Variants in GALNT1 observed in about 807,000 individuals in gnomAD.
GALNT1 encodes GalNAc transferase 1.
GALNT1 carries 17 observed loss-of-function variants against 65.7 expected under a neutral mutation model. That is an observed-to-expected ratio of 0.26 (90% CI 0.18 to 0.39). The LOEUF is 0.39. Among genes scored for constraint, GALNT1 ranks in the 10% least tolerant of loss-of-function variants. GALNT1 has a pLI of 1.00. For synonymous variants in GALNT1, 210 were observed against 219.7 expected (o/e 0.96, Z 0.39); for missense variants, 460 against 672.8 (o/e 0.68, Z 3.50).
At chr18:35,651,061 T>C (rs1471592626) in intron 1 of GALNT1, among the ~76,000 whole-genome samples, 5 of 152,206 alleles carry the variant, frequency 3.3e-5, no homozygotes. Flanking sequence ...CCATGAAATC[T>C]TCACAATTTA....
At chr18:35,640,543 T>G (rs2047147919) in intron 1 of GALNT1, among the ~76,000 whole-genome samples, 1 of 152,240 alleles carries the variant, frequency 6.6e-6, no homozygotes. Context: ...TTTATTTCAA[T>G]CTAGTCAGAA....
intron 1 of GALNT1, among the ~76,000 whole-genome samples, chr18:35,626,951 T>G (rs1310545095): frequency 6.6e-6 from 1 of 152,250 alleles, no homozygotes; most frequent in Non-Finnish European, 1.5e-5. Context: ...TTTGGTCACT[T>G]CTATTAGCTA....
chr18:35,696,597 C>T (rs1044851674), intron 9 of GALNT1, among the ~76,000 whole-genome samples: 1 of 152,204 alleles, frequency 6.6e-6, no homozygotes. Flanking sequence ...CTTTTCCAGG[C>T]AGATCTAATA....
In GALNT1 at chr18:35,600,553, C is replaced by T. The variant is rs544519968; in HGVS notation, c.-104+18691C>T. ...ATTGCTCTGGCTAGGACTTCCAGTA[C>T]TGTTTTGAAGAGAAATGGTGAATAT... On this transcript the variant is annotated intron_variant, in intron 1 of 11. Coordinates refer to ENST00000269195, the MANE Select transcript of GALNT1 (RefSeq NM_020474.4). Among the ~76,000 whole-genome samples, 5 of 152,244 alleles carry T rather than the reference C, an allele frequency of 3.3e-5. No individual in the cohort carries two copies. In the East Asian group the frequency reaches 9.6e-4, roughly 29 times the overall value.
chr18:35,668,837 T>A (rs892933811), intron 3 of GALNT1, among the ~76,000 whole-genome samples: 18 of 152,242 alleles, frequency 1.2e-4, no homozygotes, highest in African/African-American at 4.1e-4. Context: ...CCCAATTTTT[T>A]AAAATTTAGA....
At chr18:35,595,295 C>G (rs2046491647) in intron 1 of GALNT1, among the ~76,000 whole-genome samples, 1 of 152,058 alleles carries the variant, frequency 6.6e-6, no homozygotes, top group Admixed American at 6.5e-5. Context: ...CTGCCTGGGA[C>G]ACACACACAG....
At chr18:35,665,148 A>G (rs1474021005) in intron 3 of GALNT1, among the ~76,000 whole-genome samples, 3 of 152,196 alleles carry the variant, frequency 2.0e-5, no homozygotes, top group African/African-American at 7.2e-5. Flanking sequence ...ATCTCAGGAA[A>G]CCCTCAACAA....
chr18:35,692,922 C>T (rs953649310), intron 9 of GALNT1, among the ~76,000 whole-genome samples: 4 of 152,140 alleles, frequency 2.6e-5, no homozygotes, highest in African/African-American at 9.7e-5. Flanking sequence ...TCCTTTCATT[C>T]ATTCAACAAA....
At chr18:35,670,994 T>A (rs1598801389) in intron 3 of GALNT1, among the ~76,000 whole-genome samples, 1 of 152,228 alleles carries the variant, frequency 6.6e-6, no homozygotes. Flanking sequence ...CTGAAATAAA[T>A]GTGAAGGCAA....
intron 1 of GALNT1, among the ~76,000 whole-genome samples, chr18:35,587,904 C>A (rs759854255): frequency 3.3e-5 from 5 of 152,134 alleles, no homozygotes; most frequent in Non-Finnish European, 5.9e-5. Flanking sequence ...CCACTTTGAG[C>A]CATGGTATGT....
chr18:35,605,577 C>T (rs2046636951), intron 1 of GALNT1, among the ~76,000 whole-genome samples: 1 of 151,202 alleles, frequency 6.6e-6, no homozygotes, highest in Non-Finnish European at 1.5e-5. Context: ...TCTTAGATCT[C>T]CCTCCCTCCC....
intron 2 of GALNT1, among the ~76,000 whole-genome samples, chr18:35,657,176 G>C (rs2047402801): frequency 6.6e-6 from 1 of 151,980 alleles, no homozygotes; most frequent in Non-Finnish European, 1.5e-5. Flanking sequence ...GCTCACTGCT[G>C]CCTCTGCCTC....
intron 1 of GALNT1, among the ~76,000 whole-genome samples, chr18:35,620,250 G>A (rs1057387048): frequency 1.3e-5 from 2 of 152,110 alleles, no homozygotes; most frequent in Admixed American, 6.6e-5. Context: ...CAGCAGAATC[G>A]AGGGGTGAGG....
intron 1 of GALNT1, among the ~76,000 whole-genome samples, chr18:35,582,935 G>C (rs770328040): frequency 1.3e-5 from 2 of 152,102 alleles, no homozygotes; most frequent in African/African-American, 4.8e-5. Context: ...TCAGCTCCTC[G>C]GTCACAGTAG....
At chr18:35,590,407 G>A (rs1185432388) in intron 1 of GALNT1, among the ~76,000 whole-genome samples, 1 of 152,182 alleles carries the variant, frequency 6.6e-6, no homozygotes, top group African/African-American at 2.4e-5. Context: ...TTGGCTTCCA[G>A]TATGTTAATC....
intron 6 of GALNT1, among the ~76,000 whole-genome samples, chr18:35,688,732 G>GTAAC (rs1474295738): frequency 6.6e-6 from 1 of 152,138 alleles, no homozygotes; most frequent in African/African-American, 2.4e-5. Context: ...ACATGGCATG[G>GTAAC]TAACTCTAAC....
chr18:35,586,159 A>T (rs1246063224), intron 1 of GALNT1, among the ~76,000 whole-genome samples: 1 of 152,194 alleles, frequency 6.6e-6, no homozygotes, highest in Non-Finnish European at 1.5e-5. Flanking sequence ...GTGTATAGGG[A>T]TGTCTCATTG....
intron 4 of GALNT1, among the ~76,000 whole-genome samples, chr18:35,682,177 A>G (rs958352579): frequency 3.3e-5 from 5 of 150,278 alleles, no homozygotes; most frequent in Non-Finnish European, 7.4e-5. Flanking sequence ...CTCAAATATT[A>G]GAAAATATAT....
chr18:35,695,630 C>T lies in GALNT1; in HGVS notation c.1299+3310C>T, dbSNP rs2048043323. 5.3e-5 allele frequency among the ~76,000 whole-genome samples: 8 copies of T among 152,310 alleles called. No individual in the cohort carries two copies. The South Asian group carries it at 1.7e-3, about 32-fold the overall frequency. On this transcript the variant is annotated intron_variant, in intron 9 of 11. Transcript: ENST00000269195. ...GCACAGACTTACGCATTTATCCTAA[C>T]AGTTACTAAGGCTACTTCAGGATTG...
Sources: gnomAD v4.1 joint callset for allele counts (sites outside exome capture counted in the v4.1 genomes callset) on GRCh38, gnomAD v4.1.1 for gene constraint, MANE v1.5 for transcripts, NCBI Gene and HGNC (gene_info 2026-07-23, HGNC 2026-07-21) for gene names.